The following NBPF14 variants were observed in gnomAD, a reference collection of about 807,000 sequenced individuals.
NBPF14 encodes the protein NBPF family member NBPF14.
NBPF14 carries 104 observed loss-of-function variants against 91.2 expected under a neutral mutation model. The ratio of observed to expected loss-of-function variants is 1.14; its 90% CI spans 0.97 to 1.34. The LOEUF is 1.34. Ranked by LOEUF, NBPF14 falls within the 40% of genes most tolerant of loss-of-function variation. NBPF14 has a pLI of 0.00. For synonymous variants in NBPF14, 294 were observed against 303.8 expected (o/e 0.97, Z 0.34); for missense variants, 908 against 783.0 (o/e 1.16, Z -1.91).
At chr1:148,534,768 C>G in exon 69 of NBPF14, 2 of 832,612 alleles carry the variant, frequency 2.4e-6, no homozygotes, top group South Asian at 1.3e-5. Flanking sequence ...TCAGGCAGTT[C>G]AAGATAACCT....
chr1:148,575,909 A>C, intron 16 of NBPF14, 98 bp from the exon 17 acceptor site: 1 of 345,668 alleles, frequency 2.9e-6, no homozygotes, highest in South Asian at 2.2e-5. Context: ...CTGTTTAAAA[A>C]GAAAAAGGAC....
At chr1:148,581,260 C>T (rs1420244291) in intron 12 of NBPF14, among the ~76,000 whole-genome samples, 2 of 141,964 alleles carry the variant, frequency 1.4e-5, no homozygotes, top group Admixed American at 7.2e-5. Context: ...TCTATCATTG[C>T]TGGATATTTG....
At chr1:148,578,850 G>C (rs1571004129) in intron 13 of NBPF14, among the ~76,000 whole-genome samples, 1 of 149,476 alleles carries the variant, frequency 6.7e-6, no homozygotes, top group Non-Finnish European at 1.5e-5. Context: ...AGTCCAGGTT[G>C]GCATGGGCAT....
rs1385268319 is a variant in NBPF14, at chr1:148,559,820, G to A, written c.4702C>T (p.Arg1568Cys). Residue 1568 changes from arginine to cysteine, a missense_variant, in exon 37 of 71, where the codon CGT becomes TGT. Arg to Cys is a radical substitution (Grantham distance 180). Around this residue, in one of 13 missense-constraint regions of NBPF14, gnomAD observed 447 missense variants for 189.1 expected, o/e 2.36. Coordinates refer to ENST00000619423, the Ensembl canonical transcript of NBPF14. The stretch of plus-strand genomic sequence containing the variant: ...TCCATGTCAACAGCCAAGCCAACAC[G>A]CTGCTGCTCCAATATGTAAAAGGCA... 96 of 1,534,694 alleles carry A rather than the reference G, an allele frequency of 6.3e-5. 19 individuals carry two copies. In the South Asian group the frequency reaches 7.8e-4, roughly 12 times the overall value.
At chr1:148,533,522 C>A (rs1423298524) in intron 70 of NBPF14, among the ~76,000 whole-genome samples, 9,585 of 146,730 alleles carry the variant, frequency 0.065, 460 homozygotes, top group African/African-American at 0.24. Flanking sequence ...GTAAGGGAGT[C>A]AAAGGACACT....
At position 148,593,050 on chromosome 1, in the gene NBPF14, C is replaced by T. The variant is rs1662756720; in HGVS notation, c.279-284G>A. On this transcript the variant is annotated intron_variant, in intron 3 of 70. Transcript: ENST00000619423. ...TCCTAATTCCGTTTCAAAAAGACAT[C>T]CTTTCAGTTCCTCACTCTGGCCATG... Among the ~76,000 whole-genome samples the T allele has an allele frequency of 2.0e-5, 3 of 146,654 alleles. 1 individual carries two copies. Among genetic ancestry groups the T allele is most frequent in the Non-Finnish European group, 4.6e-5 (3 of 65,646 alleles).
exon 69 of NBPF14, chr1:148,534,714 G>T: frequency 1.2e-6 from 1 of 840,566 alleles, no homozygotes; most frequent in East Asian, 2.4e-5. Flanking sequence ...CCAAGGTACT[G>T]TTCCTCCAAT....
exon 29 of NBPF14, chr1:148,566,223 T>A: frequency 1.7e-6 from 1 of 589,310 alleles, no homozygotes; most frequent in Non-Finnish European, 3.0e-6. Flanking sequence ...GGAGTCAGGC[T>A]GTTCAAGACA....
At chr1:148,577,060 T>C in intron 15 of NBPF14, 123 bp downstream of exon 15, 1 of 676,282 alleles carries the variant, frequency 1.5e-6, no homozygotes, top group South Asian at 1.6e-5. Context: ...AACCTACATG[T>C]GCCTATAGGT....
intron 69 of NBPF14, among the ~76,000 whole-genome samples, chr1:148,534,264 C>G (rs1354204528): frequency 1.3e-5 from 2 of 151,656 alleles, no homozygotes; most frequent in Admixed American, 1.3e-4. Context: ...AAGCAAATAC[C>G]CTCAATGATT....
chr1:148,560,187 C>T (rs1330344128), intron 36 of NBPF14, among the ~76,000 whole-genome samples: 33 of 150,842 alleles, frequency 2.2e-4, no homozygotes, highest in South Asian at 1.5e-3. Context: ...GAGACAGAGA[C>T]AGAGACAGAG....
At chr1:148,592,906 T>C (rs1283307873) in intron 3 of NBPF14, 140 bp from the exon 4 acceptor site, 1 of 651,808 alleles carries the variant, frequency 1.5e-6, no homozygotes, top group Non-Finnish European at 2.6e-6. Flanking sequence ...GGAATGACTG[T>C]GGCCAAGAGA....
At chr1:148,589,911 T>C (rs1369510762) in intron 6 of NBPF14, among the ~76,000 whole-genome samples, 2 of 148,108 alleles carry the variant, frequency 1.4e-5, no homozygotes, top group Admixed American at 6.7e-5. Flanking sequence ...TTTGTATTCT[T>C]AGTAGAGATG....
rs1163210888 is a variant in NBPF14 at position 148,561,804 on chromosome 1, C to A, written c.4275-225G>T. ...ACACACACACACACACACACACAAACACACACACACACACAGAGAGAGAGA... is the reference window on the plus strand; with the variant it reads ...ACACACACACACACACACACACAAAAACACACACACACACAGAGAGAGAGA... On this transcript the variant is annotated intron_variant, in intron 34 of 70. Transcript: ENST00000619423. Among the ~76,000 whole-genome samples the A allele has an allele frequency of 2.0e-4, 27 of 135,276 alleles. 3 individuals are homozygous for A. The East Asian group carries it at 4.6e-3, about 23-fold the overall frequency. The allele number at this position is 135,276 out of a possible 152,430, so 88.7% of individuals were successfully genotyped here. A position where few individuals can be genotyped will look rare whatever the true frequency, so the allele number is the denominator to read the frequency against.
At chr1:148,533,795 T>C (rs1423032322) in intron 70 of NBPF14, 66 bp downstream of exon 70, 4 of 765,162 alleles carry the variant, frequency 5.2e-6, no homozygotes, top group Non-Finnish European at 2.4e-6. Flanking sequence ...CACACTCTGG[T>C]TTCCCTGAAT....
chr1:148,566,636 G>A (rs1486910082), intron 28 of NBPF14, among the ~76,000 whole-genome samples: 267 of 133,704 alleles, frequency 2.0e-3, no homozygotes, highest in African/African-American at 7.6e-3. Flanking sequence ...GTGCCCTCAG[G>A]ACACACAGCA....
chr1:148,533,051 G>A, exon 71 of NBPF14: 2 of 1,110,528 alleles, frequency 1.8e-6, no homozygotes, highest in South Asian at 3.3e-5. Flanking sequence ...GTGGAGACTT[G>A]TCACCGTCAA....
intron 68 of NBPF14, 92 bp from the exon 69 acceptor site, chr1:148,534,948 T>C (rs1285162576): frequency 1.1e-5 from 8 of 747,224 alleles, no homozygotes; most frequent in Admixed American, 1.9e-5. Context: ...AAGGAACAGT[T>C]TAAAAAGAAA....
At chr1:148,558,346 T>C in exon 39 of NBPF14, 1 of 54,026 alleles carries the variant, frequency 1.9e-5, no homozygotes, top group Non-Finnish European at 2.9e-5. Flanking sequence ...CAAGATAACC[T>C]GAAGGAGTCG....
Sources: allele counts gnomAD v4.1 joint callset (sites outside exome capture counted in the v4.1 genomes callset), GRCh38; gene constraint gnomAD v4.1.1; regional missense constraint gnomAD v4.1.1; transcripts MANE v1.5; gene names NCBI Gene and HGNC (gene_info 2026-07-23, HGNC 2026-07-21).